The following DOCK8 variants were observed in gnomAD, a reference collection of about 807,000 sequenced individuals.
DOCK8 encodes the protein dedicator of cytokinesis 8.
Under a neutral mutation model 245.6 loss-of-function variants are expected in DOCK8, and 141 were observed. That is an observed-to-expected ratio of 0.57 (90% confidence interval 0.50 to 0.66). The LOEUF (loss-of-function observed/expected upper bound fraction) is 0.66, where lower values mean the gene tolerates loss of function less well. Among genes scored for constraint, DOCK8 ranks in the 30% least tolerant of loss-of-function variants. The pLI, the probability that DOCK8 is intolerant of heterozygous loss-of-function variation, is 0.00. For synonymous variants in DOCK8, 1,168 were observed against 970.2 expected (o/e 1.20, Z -3.79); for missense variants, 2,965 against 2,603.4 (o/e 1.14, Z -3.02).
At chr9:255,336 TATA>T (rs1371994441) in intron 1 of DOCK8, among the ~76,000 whole-genome samples, 3 of 152,150 alleles carry the variant, frequency 2.0e-5, no homozygotes, top group African/African-American at 7.2e-5. Context: ...AATTTCTGTA[TATA>T]ATAATATTCA....
rs1370355044 is a variant in DOCK8, at chr9:405,038, G to A, written c.3355G>A (p.Ala1119Thr). ...LNLFFMNADTAPTSPCPSISS... is the reference protein window; with the variant it reads ...LNLFFMNADTTPTSPCPSISS... The stretch of plus-strand genomic sequence containing the variant: ...CCTTTTTTTTATGAATGCTGATACT[G>A]CTCCAACATCTCCTTGTCCTTCCAT... Residue 1119 changes from alanine to threonine, a missense_variant, in exon 27 of 48, where the codon GCT (alanine) becomes ACT (threonine). This residue lies in a region of DOCK8 where 2,825 missense variants were observed against 2,453.5 expected (regional missense o/e 1.15). Coordinates refer to ENST00000432829, the MANE Select transcript of DOCK8 (RefSeq NM_203447.4). The A allele has an allele frequency of 6.2e-7, 1 of 1,613,734 alleles. No homozygotes were observed. Among genetic ancestry groups the A allele is most frequent in the Admixed American group, 1.7e-5 (1 of 59,994 alleles).
chr9:392,402 C>G (rs1442231819), intron 24 of DOCK8, among the ~76,000 whole-genome samples: 1 of 152,184 alleles, frequency 6.6e-6, no homozygotes, highest in Non-Finnish European at 1.5e-5. Context: ...AAGTCCCAAC[C>G]TCTGTTTTGA....
At chr9:341,064 A>G (rs566481404) in intron 14 of DOCK8, among the ~76,000 whole-genome samples, 1 of 152,366 alleles carries the variant, frequency 6.6e-6, no homozygotes, top group East Asian at 1.9e-4. Flanking sequence ...TTCCAATAGC[A>G]TTTACAGCAA....
chr9:252,377 C>T (rs1237599293), intron 1 of DOCK8, among the ~76,000 whole-genome samples: 16 of 152,020 alleles, frequency 1.1e-4, no homozygotes, highest in Admixed American at 9.8e-4. Context: ...TTAATTTGCC[C>T]AAGATCACAC....
At chr9:439,951 T>C (rs2057035983) in intron 40 of DOCK8, among the ~76,000 whole-genome samples, 1 of 152,154 alleles carries the variant, frequency 6.6e-6, no homozygotes, top group African/African-American at 2.4e-5. Flanking sequence ...TCCTAGTATA[T>C]ATACTAGAAA....
At chr9:369,607 C>T (rs1185095786) in intron 15 of DOCK8, 1 of 153,898 alleles carries the variant, frequency 6.5e-6, no homozygotes, top group Admixed American at 6.4e-5. Flanking sequence ...CTGGGGATTT[C>T]TCACTCAAGA....
At chr9:212,628 T>G (rs977679147), upstream of DOCK8, among the ~76,000 whole-genome samples, 23 of 152,148 alleles carry the variant, frequency 1.5e-4, no homozygotes, top group African/African-American at 5.3e-4. Flanking sequence ...GTTAAAAGAG[T>G]GTTAAGGAAA....
intron 2 of DOCK8, among the ~76,000 whole-genome samples, chr9:272,406 A>G (rs550127988): frequency 3.3e-5 from 5 of 152,100 alleles, no homozygotes; most frequent in Non-Finnish European, 7.4e-5. Flanking sequence ...TTTTTGAGAC[A>G]GGGTGTCAGT....
chr9:288,070 T>C (rs528528192), intron 3 of DOCK8, among the ~76,000 whole-genome samples: 2 of 152,140 alleles, frequency 1.3e-5, no homozygotes, highest in Non-Finnish European at 2.9e-5. Flanking sequence ...TTTTTTTTTT[T>C]TGAAATTTGA....
chr9:418,686 G>A (rs1264659122), intron 30 of DOCK8, among the ~76,000 whole-genome samples: 1 of 152,212 alleles, frequency 6.6e-6, no homozygotes, highest in Non-Finnish European at 1.5e-5. Context: ...AAGTCAGAAA[G>A]GGTTCTGGCA....
intron 14 of DOCK8, among the ~76,000 whole-genome samples, chr9:357,283 T>G (rs1483041435): frequency 3.3e-5 from 5 of 152,206 alleles, no homozygotes; most frequent in Non-Finnish European, 7.3e-5. Flanking sequence ...TTTAATCAAT[T>G]CATGTTCAAA....
intron 2 of DOCK8, among the ~76,000 whole-genome samples, chr9:283,249 G>A (rs897960031): frequency 1.3e-5 from 2 of 152,138 alleles, no homozygotes; most frequent in Non-Finnish European, 1.5e-5. Flanking sequence ...TGAGCATACA[G>A]GCTGAGCATC....
intron 1 of DOCK8, among the ~76,000 whole-genome samples, chr9:228,243 G>A (rs918219502): frequency 2.6e-5 from 4 of 152,110 alleles, no homozygotes; most frequent in Non-Finnish European, 5.9e-5. Flanking sequence ...ACAGAGGAAG[G>A]ATGTGTTTTA....
At chr9:396,254 G>A (rs574158831) in intron 24 of DOCK8, among the ~76,000 whole-genome samples, 94 of 152,138 alleles carry the variant, frequency 6.2e-4, no homozygotes, top group Non-Finnish European at 1.1e-3. Flanking sequence ...ATAACTGCTG[G>A]AAACTATAGA....
chr9:357,668 C>T (rs1054158047), intron 14 of DOCK8, among the ~76,000 whole-genome samples: 12 of 151,958 alleles, frequency 7.9e-5, no homozygotes, highest in South Asian at 2.1e-4. Context: ...ACAGTACCAG[C>T]GTTTATGTGA....
At chr9:444,350 T>A (rs2057184281) in intron 43 of DOCK8, among the ~76,000 whole-genome samples, 1 of 149,512 alleles carries the variant, frequency 6.7e-6, no homozygotes, top group South Asian at 2.1e-4. Flanking sequence ...ATAATAATAA[T>A]AATAATAATA....
rs560066117 is a variant in DOCK8, at chr9:391,859, C to T, written c.2970+1293C>T. Among the ~76,000 whole-genome samples the T allele has an allele frequency of 2.3e-5, 3 of 129,164 alleles. No homozygotes were observed. In the South Asian group the frequency reaches 7.7e-4, roughly 33 times the overall value. The allele number at this position is 129,164 out of a possible 152,430, so 84.7% of individuals were successfully genotyped here. ...TTTTTTTTTTTAAAGAGAGTCTAGG[C>T]TGGGTGTGGTGGCTCACACTTGTAA... is the stretch of plus-strand genomic sequence containing the variant. On this transcript the variant is annotated intron_variant, in intron 24 of 47. Transcript: ENST00000432829.
chr9:318,141 G>C (rs145878482), intron 7 of DOCK8, among the ~76,000 whole-genome samples: 1 of 152,234 alleles, frequency 6.6e-6, no homozygotes, highest in African/African-American at 2.4e-5. Flanking sequence ...TGTACCCTCG[G>C]AGTGCCTCCA....
chr9:348,042 T>C (rs1162581198), intron 14 of DOCK8, among the ~76,000 whole-genome samples: 1 of 152,216 alleles, frequency 6.6e-6, no homozygotes, highest in Non-Finnish European at 1.5e-5. Flanking sequence ...TGCAGCATCC[T>C]CCGAGATCAC....
Sources: allele counts gnomAD v4.1 joint callset (sites outside exome capture counted in the v4.1 genomes callset), GRCh38; gene constraint gnomAD v4.1.1; regional missense constraint gnomAD v4.1.1; transcripts MANE v1.5; gene names NCBI Gene and HGNC (gene_info 2026-07-23, HGNC 2026-07-21).